Variants in MLYCD observed in about 807,000 individuals in gnomAD.
MLYCD encodes the protein malonyl-CoA decarboxylase, mitochondrial.
MLYCD carries 27 observed loss-of-function variants against 35.8 expected under a neutral mutation model. The observed-to-expected ratio is 0.75, with a 90% confidence interval of 0.56 to 1.04. The LOEUF is 1.04. MLYCD is among the 50% of genes least tolerant of loss of function. MLYCD has a pLI of 0.00. For synonymous variants in MLYCD, 403 were observed against 302.4 expected (o/e 1.33, Z -3.45); for missense variants, 917 against 665.1 (o/e 1.38, Z -4.17).
In MLYCD at chr16:83,899,306, C is replaced by G; in HGVS notation, c.162C>G (p.Tyr54Ter). 6.7e-7 allele frequency: 1 copy of G among 1,488,924 alleles called. No individual in the cohort carries two copies. The highest frequency in any genetic ancestry group is 8.9e-7 in the Non-Finnish European group (1 of 1,126,114). The allele number at this position is 1,488,924 out of a possible 1,614,324, so 92.2% of individuals were successfully genotyped here. A position where few individuals can be genotyped will look rare whatever the true frequency, so the allele number is the denominator to read the frequency against. Reference protein sequence around the residue: ...LRRAVPPTPAYELREKTPAPA... With the variant: ...LRRAVPPTPA ...GCGCGGTGCCGCCGACGCCGGCCTA[C>G]GAGCTGCGCGAGAAGACACCGGCGC... The change falls in exon 1 of 5, where the codon TAC becomes TAG. Residue 54 changes from tyrosine to a stop codon, truncating the protein, a stop_gained. Transcript: ENST00000262430. LOFTEE classifies it high-confidence loss of function.
Position 83,919,814 on chromosome 16 carries a change from A to C in MLYCD, c.*4325A>C, listed in dbSNP as rs1254730784. 3.9e-5 allele frequency: 6 copies of C among 152,270 alleles called. No individual in the cohort carries two copies. Among genetic ancestry groups the C allele is most frequent in the Non-Finnish European group, 7.3e-5 (5 of 68,304 alleles). The allele number at this position is 152,270 out of a possible 1,614,324, so 9.4% of individuals were successfully genotyped here. ...ACGGTGTACAGAACACACGGTGCAC[A>C]GGAGAACACGCAGTGCACAGGAGAA... On this transcript the variant is annotated 3_prime_UTR_variant, in exon 5 of 5. Coordinates refer to ENST00000262430, the MANE Select transcript of MLYCD (RefSeq NM_012213.3).
At chr16:83,909,126 T>A (rs1307186042) in intron 3 of MLYCD, among the ~76,000 whole-genome samples, 2 of 152,178 alleles carry the variant, frequency 1.3e-5, no homozygotes, top group Non-Finnish European at 2.9e-5. Flanking sequence ...CACACTCCGA[T>A]GCCCTCTTGG....
At position 83,918,951 on chromosome 16, in the gene MLYCD, A is replaced by C. The variant is rs978005915; in HGVS notation, c.*3462A>C. 1.3e-5 allele frequency: 2 copies of C among 150,122 alleles called. No homozygotes were observed. The highest frequency in any genetic ancestry group is 2.9e-5 in the Non-Finnish European group (2 of 67,876). The allele number at this position is 150,122 out of a possible 1,614,324, so 9.3% of individuals were successfully genotyped here. A position where few individuals can be genotyped will look rare whatever the true frequency, so the allele number is the denominator to read the frequency against. ...ACAGTTCACAGGAGAACACGCACACACAGTGCATAGAGCACAGACACAGTG... is the reference window on the plus strand; with the variant it reads ...ACAGTTCACAGGAGAACACGCACACCCAGTGCATAGAGCACAGACACAGTG... On this transcript the variant is annotated 3_prime_UTR_variant, in exon 5 of 5. Transcript: ENST00000262430.
At chr16:83,903,342 A>G (rs188182365) in intron 1 of MLYCD, among the ~76,000 whole-genome samples, 334 of 152,302 alleles carry the variant, frequency 2.2e-3, no homozygotes, top group Middle Eastern at 0.01. Context: ...GTGCTTACCT[A>G]TGCTAAATAA....
chr16:83,918,039 C>G lies in MLYCD; in HGVS notation c.*2550C>G, dbSNP rs1016583812. ...TCAGTCATCCCCAAGTCACTAGGAA[C>G]TAGCACGCCTGAGGTAGGTCTCGGA... On this transcript the variant is annotated 3_prime_UTR_variant, in exon 5 of 5. Coordinates refer to ENST00000262430, the MANE Select transcript of MLYCD (RefSeq NM_012213.3). 5.8e-4 allele frequency: 89 copies of G among 152,250 alleles called. No individual in the cohort carries two copies. The highest frequency in any genetic ancestry group is 2.1e-3 in the African/African-American group (89 of 41,468). 9.4% of individuals were successfully genotyped at this position (152,250 alleles called of 1,614,324 possible). A position where few individuals can be genotyped will look rare whatever the true frequency, so the allele number is the denominator to read the frequency against.
rs1400799131 is a variant in MLYCD, at chr16:83,899,584, T to C, written c.440T>C (p.Leu147Pro). ...YRGLFHHISK[L>P]DGGVRFLVQL... ...GGCCTCTTCCACCACATCAGCAAGC[T>C]GGACGGCGGCGTGCGCTTCCTGGTG... is the stretch of plus-strand genomic sequence containing the variant. Residue 147 changes from leucine to proline, a missense_variant, in exon 1 of 5, where the codon CTG (leucine) becomes CCG (proline). By Grantham distance (98) the Leu-to-Pro change is moderately conservative. Coordinates refer to ENST00000262430, the MANE Select transcript of MLYCD (RefSeq NM_012213.3). 1 of 1,591,566 alleles carries C rather than the reference T, an allele frequency of 6.3e-7. No homozygotes were observed. The highest frequency in any genetic ancestry group is 8.5e-7 in the Non-Finnish European group (1 of 1,177,000).
chr16:83,922,195 G>A lies in MLYCD; in HGVS notation c.*6706G>A, dbSNP rs1181356967. On this transcript the variant is annotated 3_prime_UTR_variant, in exon 5 of 5. Coordinates refer to ENST00000262430, the MANE Select transcript of MLYCD (RefSeq NM_012213.3). ...CCCCGAGTGTTCCCCATCTCAGTCTGAGGCCCGACCTGTGCTTCCGGAGCC... is the reference window on the plus strand; with the variant it reads ...CCCCGAGTGTTCCCCATCTCAGTCTAAGGCCCGACCTGTGCTTCCGGAGCC... 1 of 151,672 alleles carries A rather than the reference G, an allele frequency of 6.6e-6. No homozygotes were observed. Among genetic ancestry groups the A allele is most frequent in the African/African-American group, 2.4e-5 (1 of 41,196 alleles). The allele number at this position is 151,672 out of a possible 1,614,324, so 9.4% of individuals were successfully genotyped here.
intron 1 of MLYCD, among the ~76,000 whole-genome samples, chr16:83,902,891 T>C (rs9931691): frequency 0.23 from 35,152 of 152,050 alleles, 4,824 homozygotes; most frequent in African/African-American, 0.39. Flanking sequence ...GCCTCCTGAA[T>C]GTAGAGGAGT....
chr16:83,915,669 T>A lies in MLYCD; in HGVS notation c.*180T>A. 3 of 1,489,716 alleles carry A rather than the reference T, an allele frequency of 2.0e-6. No homozygotes were observed. The South Asian group carries it at 3.9e-5, about 20-fold the overall frequency. 92.3% of individuals were successfully genotyped at this position (1,489,716 alleles called of 1,614,324 possible). On this transcript the variant is annotated 3_prime_UTR_variant, in exon 5 of 5. Transcript: ENST00000262430. The stretch of plus-strand genomic sequence containing the variant: ...AACTTCCCTCACCCTGGGCGTGACA[T>A]GCACCCAGTGCAAGACGGTTGTGGG...
Position 83,922,725 on chromosome 16 carries a change from A to G in MLYCD, c.*7236A>G, listed in dbSNP as rs1484477644. 3 of 152,270 alleles carry G rather than the reference A, an allele frequency of 2.0e-5. No homozygotes were observed. Among genetic ancestry groups the G allele is most frequent in the African/African-American group, 7.2e-5 (3 of 41,464 alleles). 9.4% of individuals were successfully genotyped at this position (152,270 alleles called of 1,614,324 possible). A position where few individuals can be genotyped will look rare whatever the true frequency, so the allele number is the denominator to read the frequency against. On this transcript the variant is annotated 3_prime_UTR_variant, in exon 5 of 5. Coordinates refer to ENST00000262430, the MANE Select transcript of MLYCD (RefSeq NM_012213.3). ...GGGAAGCAGAGCAGTCCCTGTCATGATGGGCGTTTCTACATCTGGACCTGG... is the reference window on the plus strand; with the variant it reads ...GGGAAGCAGAGCAGTCCCTGTCATGGTGGGCGTTTCTACATCTGGACCTGG...
Position 83,917,217 on chromosome 16 carries a change from C to G in MLYCD, c.*1728C>G, listed in dbSNP as rs1239241666. 4 of 132,558 alleles carry G rather than the reference C, an allele frequency of 3.0e-5. No homozygotes were observed. The highest frequency in any genetic ancestry group is 7.3e-5 in the Admixed American group (1 of 13,720). The allele number at this position is 132,558 out of a possible 1,614,324, so 8.2% of individuals were successfully genotyped here. A position where few individuals can be genotyped will look rare whatever the true frequency, so the allele number is the denominator to read the frequency against. ...TGCACGTCTGTGTGTGCACGAGCGT[C>G]TCTGTGTGGATCAGTGCACGTCTGT... On this transcript the variant is annotated 3_prime_UTR_variant, in exon 5 of 5. Transcript: ENST00000262430.
rs1316953680 is a variant in MLYCD, at chr16:83,915,870, C to G, written c.*381C>G. 8.5e-7 allele frequency: 1 copy of G among 1,170,518 alleles called. No individual in the cohort carries two copies. The highest frequency in any genetic ancestry group is 1.1e-6 in the Non-Finnish European group (1 of 937,298). 72.5% of individuals were successfully genotyped at this position (1,170,518 alleles called of 1,614,324 possible). ...TGGCATCCTCCTAAGGACCGGGGCGCGTGGCCCAGATAAGAATAGGTGTTC... is the reference window on the plus strand; with the variant it reads ...TGGCATCCTCCTAAGGACCGGGGCGGGTGGCCCAGATAAGAATAGGTGTTC... On this transcript the variant is annotated 3_prime_UTR_variant, in exon 5 of 5. Coordinates refer to ENST00000262430, the MANE Select transcript of MLYCD (RefSeq NM_012213.3).
In MLYCD at chr16:83,922,275, C is replaced by T. The variant is rs1400405723; in HGVS notation, c.*6786C>T. On this transcript the variant is annotated 3_prime_UTR_variant, in exon 5 of 5. Coordinates refer to ENST00000262430, the MANE Select transcript of MLYCD (RefSeq NM_012213.3). ...TGCTCCATTCCCCCCGTATCCGAGA[C>T]CTAAGTTCCGGCTCTCCTTATCTCT... 1 of 152,162 alleles carries T rather than the reference C, an allele frequency of 6.6e-6. No homozygotes were observed. Among genetic ancestry groups the T allele is most frequent in the African/African-American group, 2.4e-5 (1 of 41,404 alleles). 9.4% of individuals were successfully genotyped at this position (152,162 alleles called of 1,614,324 possible).
intron 1 of MLYCD, 41 bp downstream of exon 1, chr16:83,899,713 C>A: frequency 6.7e-7 from 1 of 1,481,664 alleles, no homozygotes. Context: ...GCGGACTGGC[C>A]GCCCTCCTCG....
chr16:83,899,240 G>T lies in MLYCD; in HGVS notation c.96G>T (p.Ala32=). 1 of 1,263,562 alleles carries T rather than the reference G, an allele frequency of 7.9e-7. No homozygotes were observed. Among genetic ancestry groups the T allele is most frequent in the African/African-American group, 1.6e-5 (1 of 63,908 alleles). 78.3% of individuals were successfully genotyped at this position (1,263,562 alleles called of 1,614,324 possible). Residue 32 remains alanine (A), a synonymous_variant, in exon 1 of 5, where the codon GCG becomes GCT. Transcript: ENST00000262430. Reference sequence around the variant, plus strand: ...GGCCCCGGCTGGCGAGCGGGCAGGCGGCCGGCGCCCTGGAGCGGGCCATGG... The same window carrying T: ...GGCCCCGGCTGGCGAGCGGGCAGGCTGCCGGCGCCCTGGAGCGGGCCATGG... ...PPGPRLASGQ[A]AGALERAMDE...
intron 1 of MLYCD, among the ~76,000 whole-genome samples, chr16:83,905,753 C>G (rs1348477888): frequency 6.6e-6 from 1 of 152,224 alleles, no homozygotes; most frequent in Non-Finnish European, 1.5e-5. Context: ...CTGCCCCCAG[C>G]CGCAGTGCAA....
intron 1 of MLYCD, among the ~76,000 whole-genome samples, 155 bp downstream of exon 1, chr16:83,899,827 C>T (rs1906719378): frequency 6.6e-6 from 1 of 152,188 alleles, no homozygotes. Flanking sequence ...GTGTCCCCTT[C>T]CCACGCTGTC....
chr16:83,907,928 TA>T lies in MLYCD; in HGVS notation c.642-194del, dbSNP rs762100723. On this transcript the variant is annotated intron_variant, in intron 2 of 4. Coordinates refer to ENST00000262430, the MANE Select transcript of MLYCD (RefSeq NM_012213.3). ...TAAAACTGGAGCACAATTTTGTGTGTAAAATGGTCATTCACTGTAGTTCCTC... is the reference window on the plus strand; with the variant it reads ...TAAAACTGGAGCACAATTTTGTGTGTAAATGGTCATTCACTGTAGTTCCTC... 7.9e-5 allele frequency among the ~76,000 whole-genome samples: 12 copies of T among 152,338 alleles called. No homozygotes were observed. The South Asian group carries it at 1.0e-3, about 13-fold the overall frequency.
intron 3 of MLYCD, among the ~76,000 whole-genome samples, chr16:83,909,786 C>G (rs1907108235): frequency 6.7e-6 from 1 of 150,024 alleles, no homozygotes; most frequent in Non-Finnish European, 1.5e-5. Context: ...CCATGCCCAG[C>G]TAATTTTTTT....
Sources: allele counts gnomAD v4.1 joint callset (sites outside exome capture counted in the v4.1 genomes callset), GRCh38; gene constraint gnomAD v4.1.1; transcripts MANE v1.5; gene names NCBI Gene and HGNC (gene_info 2026-07-23, HGNC 2026-07-21).